Variants in CNP observed in about 807,000 individuals in gnomAD.
The protein encoded by CNP is 2',3'-cyclic-nucleotide 3'-phosphodiesterase.
CNP carries 8 observed loss-of-function variants against 37.9 expected under a neutral mutation model. That is an observed-to-expected ratio of 0.21 (90% CI 0.12 to 0.38). The LOEUF is 0.38. CNP is among the 10% of genes least tolerant of loss of function. The pLI is 1.00. For synonymous variants in CNP, 237 were observed against 238.3 expected (o/e 0.99, Z 0.05); for missense variants, 457 against 551.0 (o/e 0.83, Z 1.71).
Position 41,971,999 on chromosome 17 carries a change from G to A in CNP, c.784G>A (p.Ala262Thr), listed in dbSNP as rs1555643892. Reference sequence around the variant, plus strand: ...AACCAAGTTTTGTGACTACGGGAAGGCTCCCGGGGCAGAGGAGTACGCTCA... The same window carrying A: ...AACCAAGTTTTGTGACTACGGGAAGACTCCCGGGGCAGAGGAGTACGCTCA... Reference protein sequence around the residue: ...CTTKFCDYGKAPGAEEYAQQD... With the variant: ...CTTKFCDYGKTPGAEEYAQQD... The change falls in exon 3 of 4, where the codon GCT becomes ACT. Residue 262 changes from alanine to threonine, a missense_variant. By Grantham distance (58) the Ala-to-Thr change is moderately conservative. Coordinates refer to ENST00000393892, the MANE Select transcript of CNP (RefSeq NM_033133.5). The A allele has an allele frequency of 1.9e-6, 3 of 1,613,926 alleles. No individual in the cohort carries two copies. The highest frequency in any genetic ancestry group is 2.5e-6 in the Non-Finnish European group (3 of 1,179,942).
In CNP at chr17:41,968,208, G is replaced by A; in HGVS notation, c.144G>A (p.Glu48=). ...AGGACACAGTGGCCACGCTGCTAGA[G>A]TGCAAGACGCTCTTCATCTTGCGCG... ...QDEDTVATLL[E]CKTLFILRGL... The change falls in exon 2 of 4, where the codon GAG becomes GAA. Residue 48 remains glutamate, a synonymous_variant. Coordinates refer to ENST00000393892, the MANE Select transcript of CNP (RefSeq NM_033133.5). This position sits in a 1 kb window ranked among gnomAD's most constrained non-coding sequence, Gnocchi z 4.8. The A allele has an allele frequency of 1.2e-6, 2 of 1,614,176 alleles. No individual in the cohort carries two copies. The highest frequency in any genetic ancestry group is 1.7e-6 in the Non-Finnish European group (2 of 1,180,030).
rs1397254927 is a variant in CNP, at chr17:41,973,497, A to G, written c.839A>G (p.Lys280Arg). 9 of 1,613,970 alleles carry G rather than the reference A, an allele frequency of 5.6e-6. No homozygotes were observed. The highest frequency in any genetic ancestry group is 7.6e-6 in the Non-Finnish European group (9 of 1,179,998). The change falls in exon 4 of 4, where the codon AAG becomes AGG. Residue 280 changes from lysine (K) to arginine (R), a missense_variant. Lys to Arg is a conservative substitution (Grantham distance 26). Around this residue, in one of 2 missense-constraint regions of CNP, gnomAD observed 291 missense variants for 291.7 expected, o/e 1.00. Coordinates refer to ENST00000393892, the MANE Select transcript of CNP (RefSeq NM_033133.5). ...QQDVLKKSYS[K>R]AFTLTISALF... ...CAGGTGTTAAAGAAATCTTACTCCA[A>G]GGCCTTCACGCTGACCATCTCTGCC...
At chr17:41,972,393 T>A (rs2051003431) in intron 3 of CNP, among the ~76,000 whole-genome samples, 2 of 152,106 alleles carry the variant, frequency 1.3e-5, no homozygotes, top group South Asian at 4.1e-4. Flanking sequence ...GGGAGCCTGG[T>A]GCACTGAGGT....
In CNP at chr17:41,973,820, A is replaced by T. The variant is rs782174330; in HGVS notation, c.1162A>T (p.Met388Leu). The change falls in exon 4 of 4, where the codon ATG becomes TTG. Residue 388 changes from methionine (M) to leucine (L), a missense_variant. This residue lies in a region of CNP where 291 missense variants were observed against 291.7 expected (regional missense o/e 1.00). Coordinates refer to ENST00000393892, the MANE Select transcript of CNP (RefSeq NM_033133.5). ...CTGGATGCTGACCCTGGCCAAGAAC[A>T]TGGAGGTCAGGGCCATCTTCACGGG... ...GRWMLTLAKN[M>L]EVRAIFTGYY... is the part of the protein sequence containing the mutation. 6.2e-7 allele frequency: 1 copy of T among 1,612,094 alleles called. No individual in the cohort carries two copies. The highest frequency in any genetic ancestry group is 1.1e-5 in the South Asian group (1 of 90,776).
intron 2 of CNP, 75 bp from the exon 3 acceptor site, chr17:41,971,817 C>T (rs2144566030): frequency 6.3e-7 from 1 of 1,586,234 alleles, no homozygotes. Context: ...TTGCGCTGGG[C>T]CTCGGTGGTC....
In CNP at chr17:41,976,802, T is replaced by C. The variant is rs1555644909; in HGVS notation, c.*2878T>C. On this transcript the variant is annotated 3_prime_UTR_variant, in exon 4 of 4. Transcript: ENST00000393892. ...GAGAAAAGAGGGGTTGGTAGTTGGC[T>C]ATGGATTTTCTAAGGAAGATCACTT... is the stretch of plus-strand genomic sequence containing the variant. The C allele has an allele frequency of 6.2e-7, 1 of 1,601,040 alleles. No individual in the cohort carries two copies. Among genetic ancestry groups the C allele is most frequent in the East Asian group, 2.2e-5 (1 of 44,762 alleles).
chr17:41,966,986 G>T lies in CNP; in HGVS notation c.3+99G>T, dbSNP rs1396423554. The T allele has an allele frequency of 1.9e-5, 23 of 1,233,462 alleles. No homozygotes were observed. In the Middle Eastern group the frequency reaches 6.3e-4, roughly 34 times the overall value. The allele number at this position is 1,233,462 out of a possible 1,614,324, so 76.4% of individuals were successfully genotyped here. On this transcript the variant is annotated intron_variant, in intron 1 of 3. Transcript: ENST00000393892. ...AGCGTCTTGCAAACGAGGACCCGGGGCTCCGGGTTCGACTTCCAGTTTTCT... is the reference window on the plus strand; with the variant it reads ...AGCGTCTTGCAAACGAGGACCCGGGTCTCCGGGTTCGACTTCCAGTTTTCT...
Position 41,968,761 on chromosome 17 carries a change from T to C in CNP, c.676+21T>C. 1.9e-6 allele frequency: 3 copies of C among 1,588,204 alleles called. No individual in the cohort carries two copies. The South Asian group carries it at 3.4e-5, about 18-fold the overall frequency. Reference sequence around the variant, plus strand: ...ACAATGTAGGTGGCAGGTTGGGGCCTTATAAGCCCACCTTGCTGGGCACAG... The same window carrying C: ...ACAATGTAGGTGGCAGGTTGGGGCCCTATAAGCCCACCTTGCTGGGCACAG... On this transcript the variant is annotated intron_variant, in intron 2 of 3. Transcript: ENST00000393892. The surrounding 1 kb of genome is among the most constrained non-coding windows in gnomAD (Gnocchi z 4.8).
intron 2 of CNP, 137 bp from the exon 3 acceptor site, chr17:41,971,755 T>C (rs1480374106): frequency 8.6e-7 from 1 of 1,156,724 alleles, no homozygotes; most frequent in Admixed American, 2.4e-5. Context: ...AACTAACCAA[T>C]GAATGAGCTG....
At chr17:41,967,632 G>A in intron 1 of CNP, 1 of 1,009,578 alleles carries the variant, frequency 9.9e-7, no homozygotes, top group East Asian at 9.5e-5. Flanking sequence ...GCCATTGTTG[G>A]GGGAAGGGAG....
rs2051104303 is a variant in CNP at position 41,977,090 on chromosome 17, G to A, written c.*3166G>A. Reference sequence around the variant, plus strand: ...AGGTCCCAAGGCAAGGGGTGCCTGGGAACCTTCCTGTCTTCATCCTTAGCA... The same window carrying A: ...AGGTCCCAAGGCAAGGGGTGCCTGGAAACCTTCCTGTCTTCATCCTTAGCA... On this transcript the variant is annotated 3_prime_UTR_variant, in exon 4 of 4. Coordinates refer to ENST00000393892, the MANE Select transcript of CNP (RefSeq NM_033133.5). The A allele has an allele frequency of 2.7e-6, 2 of 734,936 alleles. No homozygotes were observed. The highest frequency in any genetic ancestry group is 2.2e-6 in the Non-Finnish European group (1 of 449,448). The allele number at this position is 734,936 out of a possible 1,614,324, so 45.5% of individuals were successfully genotyped here.
Position 41,966,897 on chromosome 17 carries a change from C to CGGGCG in CNP, c.3+15_3+19dup. 2 of 1,340,710 alleles carry CGGGCG rather than the reference C, an allele frequency of 1.5e-6. No individual in the cohort carries two copies. The highest frequency in any genetic ancestry group is 1.8e-5 in the South Asian group (1 of 55,398). 83.1% of individuals were successfully genotyped at this position (1,340,710 alleles called of 1,614,324 possible). A position where few individuals can be genotyped will look rare whatever the true frequency, so the allele number is the denominator to read the frequency against. On this transcript the variant is annotated intron_variant, in intron 1 of 3. Transcript: ENST00000393892. ...GCCCCTCCTCATCATGGTGAGAGGC[C>CGGGCG]GGGCGGGGCCGGGCACGGGGTAGCA...
At position 41,968,419 on chromosome 17, in the gene CNP, C is replaced by T; in HGVS notation, c.355C>T (p.Leu119Phe). 1 of 1,614,188 alleles carries T rather than the reference C, an allele frequency of 6.2e-7. No individual in the cohort carries two copies. Among genetic ancestry groups the T allele is most frequent in the Non-Finnish European group, 8.5e-7 (1 of 1,180,046 alleles). Residue 119 changes from leucine (L) to phenylalanine (F), a missense_variant, in exon 2 of 4, where the codon CTT becomes TTT. By Grantham distance (22) the Leu-to-Phe change is conservative (BLOSUM62 0). Transcript: ENST00000393892. This position sits in a 1 kb window ranked among gnomAD's most constrained non-coding sequence, Gnocchi z 4.8. ...AYCRRRDIRI[L>F]VLDDTNHERE... Reference sequence around the variant, plus strand: ...CTGCCGCCGCCGGGACATCAGAATTCTTGTGCTTGATGACACCAACCACGA... The same window carrying T: ...CTGCCGCCGCCGGGACATCAGAATTTTTGTGCTTGATGACACCAACCACGA...
chr17:41,975,968 G>A lies in CNP; in HGVS notation c.*2044G>A, dbSNP rs2051070050. 2 of 152,252 alleles carry A rather than the reference G, an allele frequency of 1.3e-5. No individual in the cohort carries two copies. The highest frequency in any genetic ancestry group is 4.1e-4 in the South Asian group (2 of 4,836). 9.4% of individuals were successfully genotyped at this position (152,252 alleles called of 1,614,324 possible). ...AAAATAGTGGCCAGACCAGAGCTCT[G>A]GAGCCACCTGTCCCACCTCAAATGG... is the stretch of plus-strand genomic sequence containing the variant. On this transcript the variant is annotated 3_prime_UTR_variant, in exon 4 of 4. Coordinates refer to ENST00000393892, the MANE Select transcript of CNP (RefSeq NM_033133.5).
rs1167090506 is a variant in CNP at position 41,976,105 on chromosome 17, AC to A, written c.*2184del. On this transcript the variant is annotated 3_prime_UTR_variant, in exon 4 of 4. Transcript: ENST00000393892. The stretch of plus-strand genomic sequence containing the variant: ...AGTAAACTGCCCTGTCTAGGTCAGT[AC>A]CCACCTGAGCTTTGGACGCACACAG... The A allele has an allele frequency of 2.6e-5, 4 of 154,058 alleles. No homozygotes were observed. The Admixed American group carries it at 2.6e-4, about 10-fold the overall frequency. 9.5% of individuals were successfully genotyped at this position (154,058 alleles called of 1,614,324 possible). A position where few individuals can be genotyped will look rare whatever the true frequency, so the allele number is the denominator to read the frequency against.
In CNP at chr17:41,968,352, C is replaced by T. The variant is rs782058156; in HGVS notation, c.288C>T (p.Phe96=). 4 of 1,614,008 alleles carry T rather than the reference C, an allele frequency of 2.5e-6. No homozygotes were observed. In the Admixed American group the frequency reaches 5.0e-5, roughly 20 times the overall value. ...YKITPGARGA[F]SEEYKRLDED... ...TCACCCCCGGCGCTCGAGGAGCCTT[C>T]TCCGAGGAGTACAAGCGGCTCGATG... The change falls in exon 2 of 4, where the codon TTC becomes TTT. Residue 96 remains phenylalanine, a synonymous_variant. Coordinates refer to ENST00000393892, the MANE Select transcript of CNP (RefSeq NM_033133.5). This position sits in a 1 kb window ranked among gnomAD's most constrained non-coding sequence, Gnocchi z 4.8.
Position 41,974,090 on chromosome 17 carries a change from C to A in CNP, c.*166C>A. 1.8e-6 allele frequency: 1 copy of A among 564,404 alleles called. No individual in the cohort carries two copies. The highest frequency in any genetic ancestry group is 3.3e-5 in the East Asian group (1 of 30,058). The allele number at this position is 564,404 out of a possible 1,614,324, so 35.0% of individuals were successfully genotyped here. A position where few individuals can be genotyped will look rare whatever the true frequency, so the allele number is the denominator to read the frequency against. ...AAATAACTGACCCTCCCTTCCTGTCCGCCCTCTTCCCCTCTAATGCTCACG... is the reference window on the plus strand; with the variant it reads ...AAATAACTGACCCTCCCTTCCTGTCAGCCCTCTTCCCCTCTAATGCTCACG... On this transcript the variant is annotated 3_prime_UTR_variant, in exon 4 of 4. Coordinates refer to ENST00000393892, the MANE Select transcript of CNP (RefSeq NM_033133.5).
rs200715497 is a variant in CNP, at chr17:41,968,700, G to T, written c.636G>T (p.Glu212Asp). The T allele has an allele frequency of 1.4e-4, 222 of 1,613,358 alleles. No homozygotes were observed. Among genetic ancestry groups the T allele is most frequent in the Non-Finnish European group, 9.9e-5 (117 of 1,179,624 alleles). ...LRKAGQVFLE[E>D]LGNHKAFKKE... ...AAGCCGGCCAGGTCTTCCTGGAAGA[G>T]CTGGGGAACCACAAGGCCTTCAAGA... The change falls in exon 2 of 4, where the codon GAG becomes GAT. Residue 212 changes from glutamate to aspartate, a missense_variant. Physicochemically the swap from Glu to Asp is conservative, Grantham distance 45 (BLOSUM62 2). This residue lies in a region of CNP where 291 missense variants were observed against 291.7 expected (regional missense o/e 1.00). Transcript: ENST00000393892. This position sits in a 1 kb window ranked among gnomAD's most constrained non-coding sequence, Gnocchi z 4.8.
chr17:41,973,567 C>G lies in CNP; in HGVS notation c.909C>G (p.Ser303Arg). 1 of 1,614,240 alleles carries G rather than the reference C, an allele frequency of 6.2e-7. No homozygotes were observed. Among genetic ancestry groups the G allele is most frequent in the Non-Finnish European group, 8.5e-7 (1 of 1,180,054 alleles). ...CGACTGGGGCCCGGGTGGAGTTAAG[C>G]GAGCAGCAACTGCAGTTGTGGCCGA... is the stretch of plus-strand genomic sequence containing the variant. ...PKTTGARVEL[S>R]EQQLQLWPSD... Residue 303 changes from serine (S) to arginine (R), a missense_variant, in exon 4 of 4, where the codon AGC (serine) becomes AGG (arginine). This residue lies in a region of CNP where 291 missense variants were observed against 291.7 expected (regional missense o/e 1.00). Transcript: ENST00000393892.
Sources: gnomAD v4.1 joint callset for allele counts (sites outside exome capture counted in the v4.1 genomes callset) on GRCh38, gnomAD v4.1.1 for gene constraint, gnomAD v4.1.1 regional missense constraint, Gnocchi (gnomAD v3.1) non-coding constraint, MANE v1.5 for transcripts, NCBI Gene and HGNC (gene_info 2026-07-23, HGNC 2026-07-21) for gene names.